KIF5C: variants seen among roughly 807,000 people sequenced by gnomAD.
KIF5C encodes the protein kinesin heavy chain isoform 5C.
A neutral mutation model predicts 125.2 loss-of-function variants in KIF5C; 18 were observed. That is an observed-to-expected ratio of 0.14 (90% CI 0.10 to 0.21). The LOEUF is 0.21. Among genes scored for constraint, KIF5C ranks in the 10% least tolerant of loss-of-function variants. The pLI is 1.00. For missense variants in KIF5C, 780 were observed against 1,183.8 expected (o/e 0.66, Z 5.01); for synonymous variants, 405 against 434.0 (o/e 0.93, Z 0.83).
chr2:148,898,447 G>A (rs535088544), intron 1 of KIF5C, among the ~76,000 whole-genome samples: 1 of 152,350 alleles, frequency 6.6e-6, no homozygotes, highest in South Asian at 2.1e-4. Context: ...TGCATGACCA[G>A]TGGGAATTAA....
At chr2:148,916,811 A>G (rs1422177537) in intron 1 of KIF5C, among the ~76,000 whole-genome samples, 1 of 152,178 alleles carries the variant, frequency 6.6e-6, no homozygotes, top group Non-Finnish European at 1.5e-5. Context: ...TGGAGAGAGC[A>G]AGTGATTTTA....
intron 2 of KIF5C, among the ~76,000 whole-genome samples, chr2:148,928,259 G>C (rs1279706908): frequency 3.3e-5 from 5 of 152,312 alleles, no homozygotes; most frequent in Middle Eastern, 6.8e-3. Context: ...GGAGCTGATT[G>C]CCTGGCTTGG....
chr2:148,953,474 A>G (rs1192190125), intron 10 of KIF5C, among the ~76,000 whole-genome samples: 2 of 152,210 alleles, frequency 1.3e-5, no homozygotes, highest in African/African-American at 4.8e-5. Context: ...AAATATACTC[A>G]TTGAACCCAA....
chr2:148,941,003 G>A (rs1202126725), intron 4 of KIF5C, among the ~76,000 whole-genome samples: 2 of 152,206 alleles, frequency 1.3e-5, no homozygotes, highest in South Asian at 2.1e-4. Flanking sequence ...AGGTGATGCT[G>A]ATGAAGGTGG....
At chr2:148,885,376 C>A (rs139003740) in intron 1 of KIF5C, among the ~76,000 whole-genome samples, 51 of 152,312 alleles carry the variant, frequency 3.3e-4, no homozygotes, top group Non-Finnish European at 6.6e-4. Flanking sequence ...TGCTCTGTGG[C>A]CTTCTCCCTG....
chr2:148,927,866 TTCTC>T (rs1217820861), intron 2 of KIF5C, among the ~76,000 whole-genome samples: 3 of 151,928 alleles, frequency 2.0e-5, no homozygotes, highest in African/African-American at 4.8e-5. Context: ...TGTATGAACA[TTCTC>T]TCTCCCTCCT....
rs1041874153 is a variant in KIF5C at position 149,025,028 on chromosome 2, A to G, written c.*1958A>G. The G allele has an allele frequency of 6.6e-6, 1 of 152,304 alleles. No individual in the cohort carries two copies. Among genetic ancestry groups the G allele is most frequent in the Admixed American group, 6.5e-5 (1 of 15,286 alleles). 9.4% of individuals were successfully genotyped at this position (152,304 alleles called of 1,614,324 possible). A position where few individuals can be genotyped will look rare whatever the true frequency, so the allele number is the denominator to read the frequency against. On this transcript the variant is annotated 3_prime_UTR_variant, in exon 26 of 26. Coordinates refer to ENST00000435030, the MANE Select transcript of KIF5C (RefSeq NM_004522.3). ...TTACTTTTTGTTTGGAAATTGAACA[A>G]AGGTCAGTAATGGTTTTTGGCTCTT... is the stretch of plus-strand genomic sequence containing the variant.
chr2:148,950,325 G>A lies in KIF5C; in HGVS notation c.831G>A (p.Val277=). ...CTTTTCCTAAATAGAAAACACATGT[G>A]CCATACCGGGACAGCAAGATGACTC... ...SALAEGTKTH[V]PYRDSKMTRI... Residue 277 remains valine (V), a synonymous_variant, in exon 10 of 26, where the codon GTG becomes GTA. Transcript: ENST00000435030. 1 of 1,613,874 alleles carries A rather than the reference G, an allele frequency of 6.2e-7. No homozygotes were observed.
Position 148,998,492 on chromosome 2 carries a change from C to A in KIF5C, c.2193C>A (p.Ile731=), listed in dbSNP as rs1303819690. 1 of 1,558,434 alleles carries A rather than the reference C, an allele frequency of 6.4e-7. No homozygotes were observed. The highest frequency in any genetic ancestry group is 1.9e-5 in the Admixed American group (1 of 51,512). The change falls in exon 19 of 26, where the codon ATC becomes ATA. Residue 731 remains isoleucine (I), a synonymous_variant. Coordinates refer to ENST00000435030, the MANE Select transcript of KIF5C (RefSeq NM_004522.3). ...ACGAAATTGAGGAGAAGCAGAAAAT[C>A]ATTGATGAGATTCGGGAGTGAGTCG... ...LRDEIEEKQK[I]IDEIRDLNQK... is the part of the protein sequence containing the mutation.
chr2:148,910,174 C>G (rs961721367), intron 1 of KIF5C, among the ~76,000 whole-genome samples: 1 of 152,072 alleles, frequency 6.6e-6, no homozygotes, highest in Non-Finnish European at 1.5e-5. Context: ...GAAAACATGT[C>G]CTTAAATAAC....
intron 25 of KIF5C, among the ~76,000 whole-genome samples, chr2:149,017,277 G>T (rs1682390623): frequency 6.6e-6 from 1 of 152,184 alleles, no homozygotes; most frequent in South Asian, 2.1e-4. Context: ...CTGTGGGTGG[G>T]CGGTAGATGG....
Position 149,024,284 on chromosome 2 carries a change from C to T in KIF5C, c.*1214C>T, listed in dbSNP as rs1004767324. 2.6e-5 allele frequency: 4 copies of T among 152,358 alleles called. No homozygotes were observed. Among genetic ancestry groups the T allele is most frequent in the Admixed American group, 1.3e-4 (2 of 15,242 alleles). 9.4% of individuals were successfully genotyped at this position (152,358 alleles called of 1,614,324 possible). A position where few individuals can be genotyped will look rare whatever the true frequency, so the allele number is the denominator to read the frequency against. On this transcript the variant is annotated 3_prime_UTR_variant, in exon 26 of 26. Coordinates refer to ENST00000435030, the MANE Select transcript of KIF5C (RefSeq NM_004522.3). Reference sequence around the variant, plus strand: ...TGTGCTTATTAAGAAGATCAATTTCCAAGTAGTAAAGTTTTCAGGGAAACT... The same window carrying T: ...TGTGCTTATTAAGAAGATCAATTTCTAAGTAGTAAAGTTTTCAGGGAAACT...
chr2:148,957,866 CA>C (rs1161107341), intron 10 of KIF5C, among the ~76,000 whole-genome samples: 1 of 152,058 alleles, frequency 6.6e-6, no homozygotes, highest in Non-Finnish European at 1.5e-5. Context: ...CCCTCTCAGT[CA>C]ACACCGAACT....
At chr2:148,947,735 G>A (rs574449481) in intron 8 of KIF5C, among the ~76,000 whole-genome samples, 1 of 152,314 alleles carries the variant, frequency 6.6e-6, no homozygotes, top group Admixed American at 6.5e-5. Flanking sequence ...GGAGGCTTCT[G>A]CTGCCACACC....
intron 2 of KIF5C, among the ~76,000 whole-genome samples, chr2:148,928,848 C>T (rs1039579891): frequency 1.3e-5 from 2 of 152,142 alleles, no homozygotes; most frequent in Admixed American, 6.5e-5. Context: ...CCTGGGCCAG[C>T]GTTTAAACTG....
Position 148,948,015 on chromosome 2 carries a change from GAA to G in KIF5C, c.714+994_714+995del, listed in dbSNP as rs1477087542. The G allele has an allele frequency of 2.8e-4, 129 of 456,628 alleles. 3 individuals carry two copies. The highest frequency in any genetic ancestry group is 1.9e-3 in the South Asian group (125 of 64,568). The allele number at this position is 456,628 out of a possible 1,614,324, so 28.3% of individuals were successfully genotyped here. ...AGTATGCATTTGTAAAACCTGAGCA[GAA>G]AGTCATCCGGGTATTTCTAGTTGGG... is the stretch of plus-strand genomic sequence containing the variant. On this transcript the variant is annotated intron_variant, in intron 8 of 25. Transcript: ENST00000435030.
At chr2:148,963,800 C>A (rs531506176) in intron 11 of KIF5C, among the ~76,000 whole-genome samples, 23 of 152,136 alleles carry the variant, frequency 1.5e-4, no homozygotes, top group Admixed American at 6.5e-5. Context: ...ACCTTTTTTC[C>A]CCCATCATTT....
chr2:149,006,270 T>C (rs962869205), intron 22 of KIF5C, among the ~76,000 whole-genome samples: 1 of 152,108 alleles, frequency 6.6e-6, no homozygotes, highest in Non-Finnish European at 1.5e-5. Context: ...TCAAATGTCT[T>C]ACAAAGATAG....
chr2:148,895,124 A>G, intron 1 of KIF5C, among the ~76,000 whole-genome samples: 1 of 151,472 alleles, frequency 6.6e-6, no homozygotes, highest in South Asian at 2.1e-4. Context: ...TATCCCCCTC[A>G]CTCTGAAGCA....
Sources: gnomAD v4.1 joint callset for allele counts (sites outside exome capture counted in the v4.1 genomes callset) on GRCh38, gnomAD v4.1.1 for gene constraint, MANE v1.5 for transcripts, NCBI Gene and HGNC (gene_info 2026-07-23, HGNC 2026-07-21) for gene names.